Variants in ZZEF1 observed in about 807,000 individuals in gnomAD.
The protein encoded by ZZEF1 is zinc finger ZZ-type and EF-hand domain-containing protein 1.
A neutral mutation model predicts 342.8 loss-of-function variants in ZZEF1; 157 were observed. The observed-to-expected ratio is 0.46, with a 90% CI of 0.40 to 0.52. The LOEUF is 0.52. Ranked by LOEUF, ZZEF1 falls within the 20% of genes least tolerant of loss-of-function variation. The pLI, the probability that ZZEF1 is intolerant of heterozygous loss-of-function variation, is 0.00. For synonymous variants in ZZEF1, 1,505 were observed against 1,429.1 expected (o/e 1.05, Z -1.20); for missense variants, 3,480 against 3,725.6 (o/e 0.93, Z 1.72).
intron 39 of ZZEF1, among the ~76,000 whole-genome samples, chr17:4,041,247 G>A (rs1309207180): frequency 6.6e-6 from 1 of 152,100 alleles, no homozygotes; most frequent in Non-Finnish European, 1.5e-5. Flanking sequence ...ACAACCTTCT[G>A]AGCTACAGTG....
At chr17:4,024,467 A>C (rs1438052488) in intron 43 of ZZEF1, among the ~76,000 whole-genome samples, 1 of 152,056 alleles carries the variant, frequency 6.6e-6, no homozygotes. Flanking sequence ...CCAAAGTGCC[A>C]GGATTACTGC....
At chr17:4,050,678 G>C in intron 36 of ZZEF1, 103 bp downstream of exon 36, 9 of 1,535,170 alleles carry the variant, frequency 5.9e-6, no homozygotes, top group Non-Finnish European at 7.9e-6. Flanking sequence ...TGGAAAAGTG[G>C]ATGTTGCCAC....
chr17:4,069,949 G>A (rs558379228), intron 26 of ZZEF1, among the ~76,000 whole-genome samples: 23 of 152,328 alleles, frequency 1.5e-4, no homozygotes, highest in African/African-American at 5.1e-4. Flanking sequence ...CCTGCCAGGC[G>A]GTTAGGAAGC....
intron 52 of ZZEF1, among the ~76,000 whole-genome samples, chr17:4,010,723 T>A (rs867076260): frequency 2.0e-4 from 1 of 4,956 alleles, no homozygotes; most frequent in Non-Finnish European, 4.9e-4. Context: ...AGATTCCGTC[T>A]CAAAAAAAAA....
Position 4,076,588 on chromosome 17 carries a change from T to C in ZZEF1, c.3234+49A>G, listed in dbSNP as rs116392453. The C allele has an allele frequency of 1.6e-3, 2,543 of 1,577,108 alleles. 32 individuals carry two copies. In the African/African-American group the frequency reaches 0.031, roughly 19 times the overall value. On this transcript the variant is annotated intron_variant, in intron 21 of 54. Coordinates refer to ENST00000381638, the MANE Select transcript of ZZEF1 (RefSeq NM_015113.4). ...GGTCCACTTCACTAAGTGTGTCCCA[T>C]CACTCCTGAGAGAGAACACGGGGCG...
chr17:4,132,947 C>T (rs1597945277), intron 1 of ZZEF1, among the ~76,000 whole-genome samples: 1 of 151,340 alleles, frequency 6.6e-6, no homozygotes, highest in African/African-American at 2.4e-5. Context: ...GCCTGGGCGA[C>T]AGAGCGAGAC....
intron 1 of ZZEF1, 112 bp downstream of exon 1, chr17:4,142,430 C>T: frequency 1.8e-6 from 2 of 1,133,444 alleles, no homozygotes; most frequent in South Asian, 2.9e-5. Context: ...AAGCTGGAAA[C>T]ACCTCATATG....
intron 11 of ZZEF1, 88 bp downstream of exon 11, chr17:4,095,743 T>A: frequency 1.4e-6 from 2 of 1,415,814 alleles, no homozygotes; most frequent in Non-Finnish European, 1.9e-6. Context: ...CAAGCACAGT[T>A]CACCAATGAG....
At position 4,016,572 on chromosome 17, in the gene ZZEF1, G is replaced by T; in HGVS notation, c.8002-106C>A. 1 of 1,364,768 alleles carries T rather than the reference G, an allele frequency of 7.3e-7. No homozygotes were observed. The highest frequency in any genetic ancestry group is 9.7e-7 in the Non-Finnish European group (1 of 1,026,980). The allele number at this position is 1,364,768 out of a possible 1,614,324, so 84.5% of individuals were successfully genotyped here. A position where few individuals can be genotyped will look rare whatever the true frequency, so the allele number is the denominator to read the frequency against. ...ACCCAAAGGTGCTGGCATCATCTTA[G>T]ACCTAGGACGAGCCTCTGTGACTCC... is the stretch of plus-strand genomic sequence containing the variant. On this transcript the variant is annotated intron_variant, in intron 48 of 54. Coordinates refer to ENST00000381638, the MANE Select transcript of ZZEF1 (RefSeq NM_015113.4). The surrounding 1 kb of genome is among the most constrained non-coding windows in gnomAD (Gnocchi z 4.4).
intron 9 of ZZEF1, among the ~76,000 whole-genome samples, chr17:4,097,115 T>G (rs2058048127): frequency 1.3e-5 from 2 of 151,504 alleles, no homozygotes; most frequent in Admixed American, 6.6e-5. Flanking sequence ...CAAAAAATTA[T>G]CCAGGTGTGG....
intron 42 of ZZEF1, among the ~76,000 whole-genome samples, chr17:4,025,703 T>C (rs1478798252): frequency 6.7e-6 from 1 of 149,254 alleles, no homozygotes; most frequent in East Asian, 1.9e-4. Flanking sequence ...AAAAAATTAG[T>C]ACACATGAGA....
At position 4,025,056 on chromosome 17, in the gene ZZEF1, G is replaced by T. The variant is rs1452422268; in HGVS notation, c.6955C>A (p.Leu2319Met). The T allele has an allele frequency of 6.2e-7, 1 of 1,614,204 alleles. No individual in the cohort carries two copies. Among genetic ancestry groups the T allele is most frequent in the Non-Finnish European group, 8.5e-7 (1 of 1,180,042 alleles). Residue 2319 changes from leucine to methionine, a missense_variant, in exon 43 of 55, where the codon CTG (leucine) becomes ATG (methionine). Leu to Met is a conservative substitution (Grantham distance 15). This residue lies in a region of ZZEF1 where 1,269 missense variants were observed against 1,342.4 expected (regional missense o/e 0.95). Coordinates refer to ENST00000381638, the MANE Select transcript of ZZEF1 (RefSeq NM_015113.4). ...GCAAAGTGCTGGGAGTACTGGCTCA[G>T]CTGGGCCCGAGAGTCACCACACTCT... ...GQECGDSRAQ[L>M]SQYSQHFAFI...
intron 17 of ZZEF1, 68 bp downstream of exon 17, chr17:4,082,369 G>C: frequency 1.3e-6 from 2 of 1,510,464 alleles, no homozygotes; most frequent in Non-Finnish European, 1.8e-6. Context: ...GAAAGGAAGG[G>C]CAAGCTCAAG....
intron 38 of ZZEF1, among the ~76,000 whole-genome samples, 195 bp from the exon 39 acceptor site, chr17:4,042,763 C>T (rs755403131): frequency 6.6e-6 from 1 of 152,190 alleles, no homozygotes; most frequent in Non-Finnish European, 1.5e-5. Context: ...CTCACTGCAA[C>T]CTCCACCTCC....
intron 18 of ZZEF1, 150 bp from the exon 19 acceptor site, chr17:4,078,192 C>T: frequency 1.3e-6 from 1 of 771,648 alleles, no homozygotes; most frequent in South Asian, 2.5e-5. Flanking sequence ...CAGCAGTCAC[C>T]AAGAAAGATG....
At chr17:4,077,182 T>C (rs2057639358) in intron 19 of ZZEF1, among the ~76,000 whole-genome samples, 193 bp from the exon 20 acceptor site, 1 of 141,938 alleles carries the variant, frequency 7.0e-6, no homozygotes, top group Non-Finnish European at 1.5e-5. Context: ...AGTACAAGAC[T>C]CACTTTTAAA....
At chr17:4,015,144 A>C (rs1026537969) in intron 49 of ZZEF1, among the ~76,000 whole-genome samples, 2 of 152,168 alleles carry the variant, frequency 1.3e-5, no homozygotes, top group African/African-American at 4.8e-5. Context: ...AGGAAATCAG[A>C]AAGTAGCAGC....
At chr17:4,115,263 G>C (rs1276585777) in intron 3 of ZZEF1, among the ~76,000 whole-genome samples, 3 of 152,164 alleles carry the variant, frequency 2.0e-5, no homozygotes, top group African/African-American at 7.2e-5. Flanking sequence ...CTGGCTTCAA[G>C]CGATCTTCCC....
At chr17:4,027,682 C>T (rs2056447218) in intron 42 of ZZEF1, among the ~76,000 whole-genome samples, 1 of 150,854 alleles carries the variant, frequency 6.6e-6, no homozygotes, top group Admixed American at 6.6e-5. Context: ...TCACTGCAGC[C>T]TTGATCTCCT....
Sources: allele counts gnomAD v4.1 joint callset (sites outside exome capture counted in the v4.1 genomes callset), GRCh38; gene constraint gnomAD v4.1.1; regional missense constraint gnomAD v4.1.1; non-coding constraint Gnocchi (gnomAD v3.1); transcripts MANE v1.5; gene names NCBI Gene and HGNC (gene_info 2026-07-23, HGNC 2026-07-21).